The following CNBD1 variants were observed in gnomAD, a reference collection of about 807,000 sequenced individuals.
CNBD1 encodes the protein cyclic nucleotide-binding domain-containing protein 1.
CNBD1 carries 71 observed loss-of-function variants against 54.4 expected under a neutral mutation model. The ratio of observed to expected loss-of-function variants is 1.30; its 90% CI spans 1.08 to 1.59. The LOEUF (loss-of-function observed/expected upper bound fraction) is 1.59, where lower values mean the gene tolerates loss of function less well. CNBD1 is among the 40% of genes most tolerant of loss of function. The probability of loss-of-function intolerance (pLI) is 0.00; values close to 1 mark genes in which losing one functional copy is unlikely to be tolerated. For missense variants in CNBD1, 659 were observed against 518.0 expected (o/e 1.27, Z -2.64); for synonymous variants, 182 against 170.7 (o/e 1.07, Z -0.51).
intron 10 of CNBD1, among the ~76,000 whole-genome samples, chr8:87,377,062 T>A (rs1782372397): frequency 6.7e-6 from 1 of 148,380 alleles, no homozygotes; most frequent in Admixed American, 6.7e-5. Flanking sequence ...TTTTTATTTT[T>A]ATTTCTTTAT....
At chr8:87,252,553 C>A (rs899811808) in intron 6 of CNBD1, among the ~76,000 whole-genome samples, 18 of 152,242 alleles carry the variant, frequency 1.2e-4, no homozygotes, top group African/African-American at 4.3e-4. Context: ...CTTAAGGAAG[C>A]ACTTGAGCTG....
chr8:87,265,470 A>T (rs1808234456), intron 6 of CNBD1, among the ~76,000 whole-genome samples: 1 of 152,094 alleles, frequency 6.6e-6, no homozygotes. Flanking sequence ...CTTAGGATTG[A>T]CTTGGCAATA....
chr8:87,312,186 A>G (rs911422891), intron 8 of CNBD1, among the ~76,000 whole-genome samples: 3 of 152,082 alleles, frequency 2.0e-5, no homozygotes, highest in Non-Finnish European at 4.4e-5. Context: ...TAAAACATAT[A>G]TTCCCCTCCC....
At chr8:87,009,519 C>T (rs1809171687) in intron 4 of CNBD1, among the ~76,000 whole-genome samples, 1 of 152,038 alleles carries the variant, frequency 6.6e-6, no homozygotes, top group Non-Finnish European at 1.5e-5. Flanking sequence ...CCAGGATGGT[C>T]TCAATCTCCT....
At chr8:86,906,150 C>CA (rs1809013544) in intron 3 of CNBD1, among the ~76,000 whole-genome samples, 1 of 152,140 alleles carries the variant, frequency 6.6e-6, no homozygotes, top group African/African-American at 2.4e-5. Flanking sequence ...GGGAGCTGAT[C>CA]AAGAATATGT....
At chr8:87,306,727 T>C (rs954159630) in intron 8 of CNBD1, among the ~76,000 whole-genome samples, 3 of 151,164 alleles carry the variant, frequency 2.0e-5, no homozygotes, top group African/African-American at 7.3e-5. Flanking sequence ...CACAAAGGCA[T>C]AAGAATGACA....
chr8:87,090,086 A>T (rs570837591), intron 4 of CNBD1, among the ~76,000 whole-genome samples: 1 of 152,144 alleles, frequency 6.6e-6, no homozygotes, highest in Non-Finnish European at 1.5e-5. Context: ...TAATGTTTCT[A>T]TTTCACTTAA....
At chr8:87,126,963 G>T (rs1357067533) in intron 4 of CNBD1, among the ~76,000 whole-genome samples, 1 of 151,622 alleles carries the variant, frequency 6.6e-6, no homozygotes, top group Admixed American at 6.6e-5. Context: ...AGTCAATTTT[G>T]GGGGTCTTGT....
At chr8:87,134,291 T>G (rs1032926653) in intron 4 of CNBD1, among the ~76,000 whole-genome samples, 3 of 152,120 alleles carry the variant, frequency 2.0e-5, no homozygotes, top group Admixed American at 2.0e-4. Flanking sequence ...ATCAGGAAGC[T>G]GTGACTTTGG....
chr8:87,290,233 G>T (rs573072470), intron 8 of CNBD1, among the ~76,000 whole-genome samples: 1 of 149,852 alleles, frequency 6.7e-6, no homozygotes, highest in Admixed American at 6.6e-5. Context: ...ATAAAGTTAT[G>T]TCTCAAAAAC....
chr8:86,890,423 CTTTTT>C (rs546607618), intron 2 of CNBD1, among the ~76,000 whole-genome samples: 1 of 152,120 alleles, frequency 6.6e-6, no homozygotes, highest in South Asian at 2.1e-4. Flanking sequence ...GAATTTTCTT[CTTTTT>C]AAGACCGAAC....
At chr8:87,128,884 C>A (rs1412865860) in intron 4 of CNBD1, among the ~76,000 whole-genome samples, 1 of 148,154 alleles carries the variant, frequency 6.7e-6, no homozygotes, top group African/African-American at 2.5e-5. Context: ...GAAATCCAGA[C>A]CATCCTGGCC....
intron 4 of CNBD1, among the ~76,000 whole-genome samples, chr8:87,157,556 T>G (rs552926211): frequency 1.5e-3 from 236 of 152,278 alleles, no homozygotes; most frequent in Admixed American, 2.3e-3. Flanking sequence ...TTCAGCAGAA[T>G]GCAGCAGAAT....
intron 4 of CNBD1, among the ~76,000 whole-genome samples, chr8:87,141,551 T>TG (rs1812370206): frequency 6.6e-6 from 1 of 152,112 alleles, no homozygotes; most frequent in Non-Finnish European, 1.5e-5. Flanking sequence ...TAATATTTTC[T>TG]GGGTTTAGGA....
At chr8:86,880,340 T>A (rs200202888) in intron 1 of CNBD1, among the ~76,000 whole-genome samples, 2 of 150,280 alleles carry the variant, frequency 1.3e-5, no homozygotes, top group Non-Finnish European at 3.0e-5. Context: ...TTAGAAAAAA[T>A]AAAAAAAAAC....
intron 4 of CNBD1, among the ~76,000 whole-genome samples, chr8:87,193,195 AT>A (rs1813648119): frequency 6.6e-6 from 1 of 152,190 alleles, no homozygotes. Flanking sequence ...CAAGTTTCCC[AT>A]AGCATATGGG....
At chr8:86,967,680 T>A (rs1808116897) in intron 4 of CNBD1, among the ~76,000 whole-genome samples, 1 of 152,254 alleles carries the variant, frequency 6.6e-6, no homozygotes, top group Admixed American at 6.5e-5. Context: ...CCATCTGTTC[T>A]TGCATGTTGC....
chr8:86,938,759 C>G (rs973668541), intron 3 of CNBD1, among the ~76,000 whole-genome samples: 1 of 152,166 alleles, frequency 6.6e-6, no homozygotes, highest in African/African-American at 2.4e-5. Context: ...CACAGCCAAA[C>G]CATATCACAT....
At chr8:87,038,651 C>A (rs915945141) in intron 4 of CNBD1, among the ~76,000 whole-genome samples, 3 of 152,210 alleles carry the variant, frequency 2.0e-5, no homozygotes, top group African/African-American at 7.2e-5. Context: ...CTCCTCACAT[C>A]TTCCTAATGT....
Sources: allele counts gnomAD v4.1 joint callset (sites outside exome capture counted in the v4.1 genomes callset), GRCh38; gene constraint gnomAD v4.1.1; transcripts MANE v1.5; gene names NCBI Gene and HGNC (gene_info 2026-07-23, HGNC 2026-07-21).